REPS2: variants seen among roughly 807,000 people sequenced by gnomAD.
REPS2 encodes RALBP1 associated Eps domain containing 2.
A neutral mutation model predicts 53.6 loss-of-function variants in REPS2; 23 were observed. The ratio of observed to expected loss-of-function variants is 0.43; its 90% CI spans 0.31 to 0.61. REPS2 has a LOEUF of 0.61. Ranked by LOEUF, REPS2 falls within the 20% of genes least tolerant of loss-of-function variation. REPS2 has a pLI of 0.11. For synonymous variants in REPS2, 238 were observed against 218.6 expected (o/e 1.09, Z -0.78); for missense variants, 446 against 534.9 (o/e 0.83, Z 1.64).
At chrX:17,171,844 G>GTT in the REPS2 span, among the ~76,000 whole-genome samples, 1 of 111,339 alleles carries the variant, frequency 9.0e-6, no homozygotes, top group South Asian at 3.8e-4. Flanking sequence ...TAATTCTTAT[G>GTT]TTTTTCTTCT....
chrX:17,087,400 G>T (rs1486317739), intron 13 of REPS2, among the ~76,000 whole-genome samples: 9 of 111,895 alleles, frequency 8.0e-5, no homozygotes. Flanking sequence ...AGGAAGTAGA[G>T]ACTAGAAGAT....
chrX:17,169,329 G>C, the REPS2 span, among the ~76,000 whole-genome samples: 1 of 111,921 alleles, frequency 8.9e-6, no homozygotes, highest in Non-Finnish European at 1.9e-5. Flanking sequence ...GTGAATTGGG[G>C]GTACATTAGG....
At chrX:17,011,759 C>T (rs1163145104) in intron 2 of REPS2, among the ~76,000 whole-genome samples, 3 of 110,339 alleles carry the variant, frequency 2.7e-5, no homozygotes, top group Admixed American at 9.6e-5. Context: ...CTACTAAGTT[C>T]GAGACCAGCC....
At chrX:17,182,967 TA>T in the REPS2 span, among the ~76,000 whole-genome samples, 1 of 112,510 alleles carries the variant, frequency 8.9e-6, no homozygotes, top group Non-Finnish European at 1.9e-5. Flanking sequence ...ATCAGCAAAC[TA>T]TACAGTTTCT....
At chrX:17,175,718 C>T in the REPS2 span, among the ~76,000 whole-genome samples, 5 of 112,489 alleles carry the variant, frequency 4.4e-5, no homozygotes, top group East Asian at 1.4e-3. Flanking sequence ...ACACAATAGA[C>T]ATTTATTTCT....
intron 3 of REPS2, among the ~76,000 whole-genome samples, chrX:17,024,468 A>C (rs1456383274): frequency 9.5e-6 from 1 of 105,802 alleles, no homozygotes; most frequent in African/African-American, 3.5e-5. Context: ...TTGAGATTCA[A>C]ATTGTAGCTT....
rs112548656 is a variant in REPS2, at chrX:17,068,335, A to G, written c.1210-67A>G. ...TCTCAAAAAAAAAAAATTTTTTTTCATCATATGTGCGCATCACTTAATTTC... is the reference window on the plus strand; with the variant it reads ...TCTCAAAAAAAAAAAATTTTTTTTCGTCATATGTGCGCATCACTTAATTTC... On this transcript the variant is annotated intron_variant, in intron 9 of 17. Coordinates refer to ENST00000357277, the MANE Select transcript of REPS2 (RefSeq NM_004726.3). The G allele has an allele frequency of 5.5e-3, 5,251 of 949,230 alleles. 206 individuals are homozygous for G. In the African/African-American group the frequency reaches 0.093, roughly 17 times the overall value. The allele number at this position is 949,230 out of a possible 1,213,427, so 78.2% of individuals were successfully genotyped here.
At chrX:17,077,431 G>A (rs367678375) in intron 13 of REPS2, 24 bp downstream of exon 13, 34 of 1,159,154 alleles carry the variant, frequency 2.9e-5, no homozygotes, top group Non-Finnish European at 3.7e-5. Flanking sequence ...TGCCCCCTGA[G>A]CCCTTCCATT....
At chrX:17,110,193 A>C (rs975729161) in intron 14 of REPS2, among the ~76,000 whole-genome samples, 1 of 111,363 alleles carries the variant, frequency 9.0e-6, no homozygotes, top group African/African-American at 3.3e-5. Context: ...AAAGCATAAC[A>C]TACATACTGA....
In REPS2 at chrX:17,147,695, A is replaced by C; in HGVS notation, c.*214A>C. The stretch of plus-strand genomic sequence containing the variant: ...ACTGATTATCACACTTGAAATGCTA[A>C]TTATCAGTGGAATTTGTCTCCTATT... On this transcript the variant is annotated 3_prime_UTR_variant, in exon 18 of 18. Coordinates refer to ENST00000357277, the MANE Select transcript of REPS2 (RefSeq NM_004726.3). 6.5e-6 allele frequency: 2 copies of C among 308,404 alleles called. No individual in the cohort carries two copies. Among genetic ancestry groups the C allele is most frequent in the East Asian group, 4.8e-5 (1 of 20,759 alleles). 25.4% of individuals were successfully genotyped at this position (308,404 alleles called of 1,213,427 possible). A position where few individuals can be genotyped will look rare whatever the true frequency, so the allele number is the denominator to read the frequency against.
chrX:17,179,563 G>A, the REPS2 span, among the ~76,000 whole-genome samples: 1 of 111,822 alleles, frequency 8.9e-6, no homozygotes, highest in Admixed American at 9.5e-5. Flanking sequence ...TGATACCACT[G>A]AAAACAGAGA....
intron 14 of REPS2, among the ~76,000 whole-genome samples, chrX:17,133,601 A>G (rs181394019): frequency 1.8e-5 from 2 of 111,674 alleles, no homozygotes; most frequent in East Asian, 5.7e-4. Context: ...AATTCCCATG[A>G]TTCCTTTTCC....
At chrX:16,959,194 G>A (rs1693359902) in intron 1 of REPS2, among the ~76,000 whole-genome samples, 1 of 112,461 alleles carries the variant, frequency 8.9e-6, no homozygotes, top group Non-Finnish European at 1.9e-5. Context: ...TACTTCCTGG[G>A]CTTAAGTGGT....
chrX:17,082,319 A>G (rs1452673585), intron 13 of REPS2, among the ~76,000 whole-genome samples: 1 of 112,778 alleles, frequency 8.9e-6, no homozygotes, highest in African/African-American at 3.2e-5. Flanking sequence ...ACCTAGGCCC[A>G]TGGATAGACC....
chrX:17,027,440 G>A (rs1227513907), intron 4 of REPS2, among the ~76,000 whole-genome samples: 6 of 111,652 alleles, frequency 5.4e-5, no homozygotes, highest in African/African-American at 2.0e-4. Flanking sequence ...ATCACAGTTC[G>A]ACGATCTGTT....
At chrX:17,111,350 C>G (rs1341340593) in intron 14 of REPS2, among the ~76,000 whole-genome samples, 2 of 111,878 alleles carry the variant, frequency 1.8e-5, no homozygotes, top group Non-Finnish European at 3.8e-5. Context: ...TATACAACAT[C>G]CTAATTTTTA....
chrX:16,964,182 C>T lies in REPS2; in HGVS notation c.273+17048C>T, dbSNP rs775578160. Among the ~76,000 whole-genome samples, 8 of 107,803 alleles carry T rather than the reference C, an allele frequency of 7.4e-5. No homozygotes were observed. In the South Asian group the frequency reaches 1.7e-3, roughly 22 times the overall value. 93.6% of individuals were successfully genotyped at this position (107,803 alleles called of 115,157 possible). A position where few individuals can be genotyped will look rare whatever the true frequency, so the allele number is the denominator to read the frequency against. The stretch of plus-strand genomic sequence containing the variant: ...CTAGGCAGAGGACCCTGCCGCCTTC[C>T]GCAGTGTTTGTGTCCCTGGGTACTT... On this transcript the variant is annotated intron_variant, in intron 1 of 17. Coordinates refer to ENST00000357277, the MANE Select transcript of REPS2 (RefSeq NM_004726.3).
intron 1 of REPS2, among the ~76,000 whole-genome samples, chrX:16,983,664 A>G (rs2061051402): frequency 9.0e-6 from 1 of 111,729 alleles, no homozygotes; most frequent in African/African-American, 3.3e-5. Context: ...CACCATGCCC[A>G]GTTAATGTTT....
chrX:16,951,884 T>G (rs1292869562), intron 1 of REPS2, among the ~76,000 whole-genome samples: 1 of 112,006 alleles, frequency 8.9e-6, no homozygotes, highest in Non-Finnish European at 1.9e-5. Flanking sequence ...TTAAAAAAAT[T>G]TTTTTAACAT....
Sources: allele counts gnomAD v4.1 joint callset (sites outside exome capture counted in the v4.1 genomes callset), GRCh38; gene constraint gnomAD v4.1.1; transcripts MANE v1.5; gene names NCBI Gene and HGNC (gene_info 2026-07-23, HGNC 2026-07-21).